Variants in AVL9 observed in about 807,000 individuals in gnomAD.
AVL9 encodes AVL9 cell migration associated.
A neutral mutation model predicts 79.2 loss-of-function variants in AVL9; 49 were observed. That is an observed-to-expected ratio of 0.62 (90% CI 0.49 to 0.79). The LOEUF (loss-of-function observed/expected upper bound fraction) is 0.79. AVL9 is among the 30% of genes least tolerant of loss of function. The pLI is 0.00. For synonymous variants in AVL9, 299 were observed against 280.6 expected, an observed-to-expected ratio of 1.07 and a Z score of -0.65; for missense variants, 682 against 776.8, an observed-to-expected ratio of 0.88 and a Z score of 1.45.
intron 1 of AVL9, among the ~76,000 whole-genome samples, chr7:32,527,824 C>T (rs1169940572): frequency 6.6e-6 from 1 of 152,118 alleles, no homozygotes; most frequent in South Asian, 2.1e-4. Flanking sequence ...GTTCCACCCA[C>T]CCACCCACCT....
intron 1 of AVL9, among the ~76,000 whole-genome samples, chr7:32,510,562 C>T (rs1368826990): frequency 7.0e-6 from 1 of 142,470 alleles, no homozygotes; most frequent in African/African-American, 2.6e-5. Flanking sequence ...GCCATCTCTC[C>T]AGGGTAAGAT....
intron 1 of AVL9, among the ~76,000 whole-genome samples, chr7:32,519,289 G>A (rs545321393): frequency 1.4e-4 from 21 of 152,148 alleles, no homozygotes; most frequent in East Asian, 3.9e-4. Flanking sequence ...TTAGCTGGGC[G>A]TGGTGGCAGG....
intron 4 of AVL9, among the ~76,000 whole-genome samples, chr7:32,549,392 T>C (rs1393158118): frequency 6.6e-6 from 1 of 151,338 alleles, no homozygotes; most frequent in Non-Finnish European, 1.5e-5. Flanking sequence ...GCCTGGCTAA[T>C]ATTTTTGTAT....
intron 1 of AVL9, among the ~76,000 whole-genome samples, chr7:32,530,058 CAAAT>C (rs1371274008): frequency 3.3e-5 from 5 of 152,110 alleles, no homozygotes; most frequent in Admixed American, 2.0e-4. Context: ...TTGGTTATGA[CAAAT>C]AAGACAAAAC....
At chr7:32,503,464 A>G (rs1787265792) in intron 1 of AVL9, among the ~76,000 whole-genome samples, 1 of 144,948 alleles carries the variant, frequency 6.9e-6, no homozygotes. Flanking sequence ...AGGCTGAGGC[A>G]GGAGAATCGC....
intron 12 of AVL9, among the ~76,000 whole-genome samples, chr7:32,575,068 C>T (rs1398686733): frequency 6.9e-6 from 1 of 144,940 alleles, no homozygotes; most frequent in Non-Finnish European, 1.5e-5. Flanking sequence ...TATCAGTTTT[C>T]AGTATATTCT....
At chr7:32,554,467 T>A (rs1173348918) in intron 7 of AVL9, 91 bp from the exon 8 acceptor site, 2 of 768,460 alleles carry the variant, frequency 2.6e-6, no homozygotes, top group African/African-American at 3.6e-5. Flanking sequence ...TATTTAGTAT[T>A]ACTGATTATG....
chr7:32,550,461 G>A (rs1423087196), intron 4 of AVL9, among the ~76,000 whole-genome samples: 1 of 152,022 alleles, frequency 6.6e-6, no homozygotes, highest in Non-Finnish European at 1.5e-5. Flanking sequence ...TGGTTTTTCT[G>A]GTCTATGTAT....
intron 8 of AVL9, among the ~76,000 whole-genome samples, chr7:32,556,431 T>G (rs972960781): frequency 6.6e-6 from 1 of 151,976 alleles, no homozygotes; most frequent in African/African-American, 2.4e-5. Context: ...GGAGAACTGC[T>G]TGAACCAGGG....
chr7:32,583,627 C>T (rs943209023), intron 15 of AVL9, among the ~76,000 whole-genome samples, 165 bp from the exon 16 acceptor site: 2 of 152,054 alleles, frequency 1.3e-5, no homozygotes, highest in African/African-American at 4.8e-5. Context: ...TGCAGGGAGC[C>T]GTGACCACTG....
At position 32,586,839 on chromosome 7, in the gene AVL9, G is replaced by C. The variant is rs1791814987; in HGVS notation, c.*2932G>C. ...TCCTACTAGACATTGTAATGACAAT[G>C]GTGTAGGTAAGGAAGAGAGAGTTAA... On this transcript the variant is annotated 3_prime_UTR_variant, in exon 16 of 16. Transcript: ENST00000318709. 1 of 152,006 alleles carries C rather than the reference G, an allele frequency of 6.6e-6. No homozygotes were observed. The highest frequency in any genetic ancestry group is 1.5e-5 in the Non-Finnish European group (1 of 68,036). The allele number at this position is 152,006 out of a possible 1,614,324, so 9.4% of individuals were successfully genotyped here. A position where few individuals can be genotyped will look rare whatever the true frequency, so the allele number is the denominator to read the frequency against.
chr7:32,582,118 T>G (rs1304017496), intron 15 of AVL9, among the ~76,000 whole-genome samples: 5 of 152,352 alleles, frequency 3.3e-5, no homozygotes, highest in African/African-American at 9.6e-5. Context: ...ATTTTTAACT[T>G]TTTATTTTGA....
chr7:32,580,319 A>G lies in AVL9; in HGVS notation c.1742+47A>G. Reference sequence around the variant, plus strand: ...TGGGAAAATTCTTAAGTCTGAATTTATGCCATGTGTTTCATTGCTAATTGG... The same window carrying G: ...TGGGAAAATTCTTAAGTCTGAATTTGTGCCATGTGTTTCATTGCTAATTGG... On this transcript the variant is annotated intron_variant, in intron 14 of 15. Coordinates refer to ENST00000318709, the MANE Select transcript of AVL9 (RefSeq NM_015060.3). 3 of 1,449,130 alleles carry G rather than the reference A, an allele frequency of 2.1e-6. No individual in the cohort carries two copies. The Admixed American group carries it at 5.5e-5, about 26-fold the overall frequency. The allele number at this position is 1,449,130 out of a possible 1,614,324, so 89.8% of individuals were successfully genotyped here. A position where few individuals can be genotyped will look rare whatever the true frequency, so the allele number is the denominator to read the frequency against.
intron 13 of AVL9, 24 bp downstream of exon 13, chr7:32,576,096 A>G: frequency 1.3e-6 from 2 of 1,509,004 alleles, no homozygotes; most frequent in Non-Finnish European, 1.8e-6. Flanking sequence ...CTGAAGATTG[A>G]TAGTACATAA....
intron 4 of AVL9, among the ~76,000 whole-genome samples, chr7:32,550,244 A>T (rs536819502): frequency 6.6e-6 from 1 of 152,272 alleles, no homozygotes; most frequent in East Asian, 1.9e-4. Flanking sequence ...TTTATATGTA[A>T]TTGTCATTTC....
chr7:32,574,543 C>T (rs1790997767), intron 12 of AVL9, among the ~76,000 whole-genome samples: 1 of 151,956 alleles, frequency 6.6e-6, no homozygotes. Context: ...AATATTTGCC[C>T]AGGAGGCTGT....
At chr7:32,561,149 C>T (rs899898522) in intron 10 of AVL9, among the ~76,000 whole-genome samples, 1 of 152,190 alleles carries the variant, frequency 6.6e-6, no homozygotes, top group Non-Finnish European at 1.5e-5. Context: ...AACTTAAAGT[C>T]ACCAGCTGCA....
intron 1 of AVL9, chr7:32,535,506 T>C (rs1562771506): frequency 6.6e-6 from 1 of 152,262 alleles, no homozygotes; most frequent in East Asian, 1.9e-4. Context: ...TTATTTCTGC[T>C]TTCTTCAGCC....
intron 1 of AVL9, chr7:32,536,014 C>T (rs1411317908): frequency 6.6e-6 from 1 of 152,206 alleles, no homozygotes; most frequent in African/African-American, 2.4e-5. Context: ...TATAAGTTTC[C>T]TGAGGTTTCC....
Sources: gnomAD v4.1 joint callset for allele counts (sites outside exome capture counted in the v4.1 genomes callset) on GRCh38, gnomAD v4.1.1 for gene constraint, MANE v1.5 for transcripts, NCBI Gene and HGNC (gene_info 2026-07-23, HGNC 2026-07-21) for gene names.